CGNL1: variants seen among roughly 807,000 people sequenced by gnomAD.
CGNL1 encodes the protein cingulin-like protein 1.
In CGNL1, 132 loss-of-function variants were observed where a neutral mutation model predicts 141.2. The ratio of observed to expected loss-of-function variants is 0.93; its 90% CI spans 0.81 to 1.08. The LOEUF (loss-of-function observed/expected upper bound fraction) is 1.08. CGNL1 is among the 50% of genes least tolerant of loss of function. The pLI, the probability that CGNL1 is intolerant of heterozygous loss-of-function variation, is 0.00. For missense variants in CGNL1, 1,870 were observed against 1,588.6 expected (o/e 1.18, Z -3.01); for synonymous variants, 690 against 622.1 (o/e 1.11, Z -1.63).
rs140027709 is a variant in CGNL1, at chr15:57,543,762, A to C, written c.3358A>C (p.Ile1120Leu). 1.9e-6 allele frequency: 3 copies of C among 1,613,854 alleles called. No individual in the cohort carries two copies. The highest frequency in any genetic ancestry group is 2.5e-6 in the Non-Finnish European group (3 of 1,179,942). Residue 1120 changes from isoleucine (I) to leucine (L), a missense_variant, in exon 15 of 19, where the codon ATT becomes CTT. Physicochemically the swap from Ile to Leu is conservative, Grantham distance 5. Transcript: ENST00000281282. ...AARQDLECDK[I>L]SLERQNKDLK... Reference sequence around the variant, plus strand: ...GAGACAAGACTTGGAGTGCGACAAGATTTCCCTGGAGAGGCAGGTGAGGGC... The same window carrying C: ...GAGACAAGACTTGGAGTGCGACAAGCTTTCCCTGGAGAGGCAGGTGAGGGC...
intron 1 of CGNL1, among the ~76,000 whole-genome samples, chr15:57,384,361 C>G (rs1271430443): frequency 3.3e-5 from 5 of 152,126 alleles, no homozygotes; most frequent in Non-Finnish European, 5.9e-5. Flanking sequence ...TTTACTATAG[C>G]AATTCTATGG....
chr15:57,531,017 G>A (rs371419650), intron 13 of CGNL1, among the ~76,000 whole-genome samples: 11 of 152,224 alleles, frequency 7.2e-5, no homozygotes, highest in African/African-American at 2.7e-4. Context: ...TGTAAGTGGG[G>A]TGGTTTGTGT....
At chr15:57,539,853 C>T (rs549813964) in intron 14 of CGNL1, among the ~76,000 whole-genome samples, 28 of 152,330 alleles carry the variant, frequency 1.8e-4, no homozygotes, top group Non-Finnish European at 2.9e-4. Flanking sequence ...CCACCGGCAT[C>T]GCCCAGTTGG....
chr15:57,479,317 G>C (rs2063695859), intron 8 of CGNL1, among the ~76,000 whole-genome samples: 1 of 152,218 alleles, frequency 6.6e-6, no homozygotes, highest in African/African-American at 2.4e-5. Flanking sequence ...GAGCTAGAGG[G>C]AAGAGGCCTG....
intron 14 of CGNL1, among the ~76,000 whole-genome samples, chr15:57,535,192 G>C (rs1224556920): frequency 2.0e-5 from 3 of 152,152 alleles, no homozygotes; most frequent in Non-Finnish European, 4.4e-5. Context: ...CAATTTCCAA[G>C]GCAGTGCTCT....
At chr15:57,524,920 A>G (rs530530670) in intron 12 of CGNL1, among the ~76,000 whole-genome samples, 169 bp downstream of exon 12, 70 of 152,316 alleles carry the variant, frequency 4.6e-4, no homozygotes, top group African/African-American at 1.6e-3. Context: ...ATTCTGGAGC[A>G]CAAAGGACCC....
chr15:57,448,948 C>T (rs973261503), intron 4 of CGNL1, among the ~76,000 whole-genome samples: 2 of 152,026 alleles, frequency 1.3e-5, no homozygotes, highest in Non-Finnish European at 2.9e-5. Flanking sequence ...TTACAGATTA[C>T]CTTGATTCTA....
Position 57,544,474 on chromosome 15 carries a change from A to G in CGNL1, c.3377A>G (p.Asn1126Ser), listed in dbSNP as rs1305979992. The G allele has an allele frequency of 6.2e-7, 1 of 1,614,072 alleles. No individual in the cohort carries two copies. Among genetic ancestry groups the G allele is most frequent in the South Asian group, 1.1e-5 (1 of 91,028 alleles). ...ECDKISLERQ[N>S]KDLKSRIIHL... ...CACAGTCTCCCTGTGTTGTTCCAGA[A>G]CAAGGACTTAAAGAGCCGGATTATC... is the stretch of plus-strand genomic sequence containing the variant. The change falls in exon 16 of 19, where the codon AAC becomes AGC. Residue 1126 changes from asparagine to serine, a missense_variant and splice_region_variant. Transcript: ENST00000281282.
intron 1 of CGNL1, among the ~76,000 whole-genome samples, chr15:57,389,056 G>T (rs1403884541): frequency 7.3e-5 from 11 of 150,810 alleles, no homozygotes; most frequent in Non-Finnish European, 1.5e-4. Context: ...TTTAAATTTT[G>T]GGCACGAGGG....
Position 57,453,786 on chromosome 15 carries a change from T to C in CGNL1, c.2158T>C (p.Ser720Pro), listed in dbSNP as rs1383624990. ...CGATGAACTGGACAGTGCAAAGCGA[T>C]CGGAGGACAGGGAGAAGGGAGCTCT... The part of the protein sequence containing the change: ...MHDELDSAKR[S>P]EDREKGALIE... The change falls in exon 7 of 19, where the codon TCG becomes CCG. Residue 720 changes from serine (S) to proline (P), a missense_variant. Ser to Pro is a moderately conservative substitution (Grantham distance 74). Coordinates refer to ENST00000281282, the MANE Select transcript of CGNL1 (RefSeq NM_032866.5). 1 of 1,613,766 alleles carries C rather than the reference T, an allele frequency of 6.2e-7. No homozygotes were observed. The highest frequency in any genetic ancestry group is 2.2e-5 in the East Asian group (1 of 44,854).
intron 8 of CGNL1, among the ~76,000 whole-genome samples, chr15:57,498,314 ATCATGGC>A (rs2063973047): frequency 8.1e-6 from 1 of 123,328 alleles, no homozygotes; most frequent in Admixed American, 1.1e-4. Flanking sequence ...CAGTAGCTTG[ATCATGGC>A]TCACTGCAGC....
rs2063135548 is a variant in CGNL1, at chr15:57,438,411, A to G, written c.412A>G (p.Lys138Glu). 1 of 1,614,076 alleles carries G rather than the reference A, an allele frequency of 6.2e-7. No homozygotes were observed. Among genetic ancestry groups the G allele is most frequent in the South Asian group, 1.1e-5 (1 of 91,092 alleles). Reference sequence around the variant, plus strand: ...TCTAGATCGCAAAGACGGGTCTGTGAAGCCATCTCACCTGCTGAACTTTCA... The same window carrying G: ...TCTAGATCGCAAAGACGGGTCTGTGGAGCCATCTCACCTGCTGAACTTTCA... The part of the protein sequence containing the change: ...GVLDRKDGSV[K>E]PSHLLNFQRH... Residue 138 changes from lysine to glutamate, a missense_variant, in exon 2 of 19, where the codon AAG becomes GAG. Coordinates refer to ENST00000281282, the MANE Select transcript of CGNL1 (RefSeq NM_032866.5).
At chr15:57,400,887 TAA>T (rs35735890) in intron 1 of CGNL1, among the ~76,000 whole-genome samples, 380 of 77,906 alleles carry the variant, frequency 4.9e-3, no homozygotes, top group East Asian at 0.02. Context: ...TGTCTCAAAT[TAA>T]AAAAAAAAAA....
chr15:57,449,657 T>A (rs1229039158), intron 4 of CGNL1, among the ~76,000 whole-genome samples: 1 of 152,226 alleles, frequency 6.6e-6, no homozygotes, highest in Non-Finnish European at 1.5e-5. Flanking sequence ...CATGTATCTA[T>A]CATTTAGTAT....
chr15:57,442,464 C>G lies in CGNL1; in HGVS notation c.1789C>G (p.Gln597Glu). 6.2e-7 allele frequency: 1 copy of G among 1,608,280 alleles called. No homozygotes were observed. Among genetic ancestry groups the G allele is most frequent in the Non-Finnish European group, 8.5e-7 (1 of 1,174,954 alleles). Reference protein sequence around the residue: ...TLKSRAAGSAQGNNQACNSTS... With the variant: ...TLKSRAAGSAEGNNQACNSTS... The stretch of plus-strand genomic sequence containing the variant: ...AAAGTCTCGAGCAGCTGGGAGCGCC[C>G]AAGGAAATAACCAAGTAAATGGAAG... The change falls in exon 4 of 19, where the codon CAA (glutamine) becomes GAA (glutamate). Residue 597 changes from glutamine to glutamate, a missense_variant. Transcript: ENST00000281282.
At chr15:57,509,520 C>T (rs1271747941) in intron 8 of CGNL1, among the ~76,000 whole-genome samples, 2 of 152,184 alleles carry the variant, frequency 1.3e-5, no homozygotes, top group African/African-American at 2.4e-5. Context: ...CTACAAGGAG[C>T]GCTCCTCAGC....
rs1186527008 is a variant in CGNL1 at position 57,516,688 on chromosome 15, A to G, written c.2404-92A>G. On this transcript the variant is annotated intron_variant, in intron 8 of 18. Transcript: ENST00000281282. ...CACAGGGCCTGGCTAAGTGGGCACA[A>G]TGGGTTTTTCATAAATGCCAGCCAT... is the stretch of plus-strand genomic sequence containing the variant. 2.9e-6 allele frequency: 4 copies of G among 1,357,792 alleles called. No individual in the cohort carries two copies. The African/African-American group carries it at 4.3e-5, about 15-fold the overall frequency. 84.1% of individuals were successfully genotyped at this position (1,357,792 alleles called of 1,614,324 possible). A position where few individuals can be genotyped will look rare whatever the true frequency, so the allele number is the denominator to read the frequency against.
At chr15:57,487,456 C>T (rs1218218649) in intron 8 of CGNL1, among the ~76,000 whole-genome samples, 2 of 152,126 alleles carry the variant, frequency 1.3e-5, no homozygotes, top group Admixed American at 6.5e-5. Flanking sequence ...TACTGACATA[C>T]TGGGTTAGGA....
intron 1 of CGNL1, among the ~76,000 whole-genome samples, chr15:57,398,931 C>T (rs1247716790): frequency 6.6e-6 from 1 of 152,012 alleles, no homozygotes; most frequent in African/African-American, 2.4e-5. Flanking sequence ...AAAATCCAGG[C>T]CCTTTAAATT....
Sources: allele counts gnomAD v4.1 joint callset (sites outside exome capture counted in the v4.1 genomes callset), GRCh38; gene constraint gnomAD v4.1.1; transcripts MANE v1.5; gene names NCBI Gene and HGNC (gene_info 2026-07-23, HGNC 2026-07-21).